NECAB2: variants seen among roughly 807,000 people sequenced by gnomAD.
The protein encoded by NECAB2 is N-terminal EF-hand calcium-binding protein 2.
In NECAB2, 68 loss-of-function variants were observed where a neutral mutation model predicts 51.9. That is an observed-to-expected ratio of 1.31 (90% CI 1.08 to 1.60). The LOEUF (loss-of-function observed/expected upper bound fraction) is 1.60. NECAB2 is among the 40% of genes most tolerant of loss of function. The pLI is 0.00. For missense variants in NECAB2, 854 were observed against 490.3 expected (o/e 1.74, Z -7.00); for synonymous variants, 329 against 203.5 (o/e 1.62, Z -5.25).
intron 10 of NECAB2, among the ~76,000 whole-genome samples, 158 bp downstream of exon 10, chr16:83,998,475 A>C (rs771804353): frequency 1.3e-5 from 2 of 152,120 alleles, no homozygotes; most frequent in African/African-American, 2.4e-5. Flanking sequence ...GTCTCTACTG[A>C]GGTTCCTCCC....
intron 11 of NECAB2, 21 bp from the exon 12 acceptor site, chr16:84,001,804 A>G (rs750179171): frequency 6.2e-7 from 1 of 1,613,282 alleles, no homozygotes; most frequent in Non-Finnish European, 8.5e-7. Flanking sequence ...CCCCTGACTC[A>G]CACATGTCCC....
rs998879541 is a variant in NECAB2, at chr16:83,983,402, T to G, written c.459+2275T>G. On this transcript the variant is annotated intron_variant, in intron 5 of 12. Transcript: ENST00000305202. Reference sequence around the variant, plus strand: ...GTGGGGCACGGCCAGGCATGCTTGTTTGGCTCCTGATTTTCGAGTGCATCT... The same window carrying G: ...GTGGGGCACGGCCAGGCATGCTTGTGTGGCTCCTGATTTTCGAGTGCATCT... Among the ~76,000 whole-genome samples the G allele has an allele frequency of 5.3e-5, 8 of 152,334 alleles. No individual in the cohort carries two copies. In the South Asian group the frequency reaches 1.7e-3, roughly 32 times the overall value.
Position 83,968,760 on chromosome 16 carries a change from A to G in NECAB2, c.112A>G (p.Met38Val). ...GCTGCTGCGCTGGGTGGGCGCCAGG[A>G]TGGGCGAGCCCCGGGAGTCGCTGGC... is the stretch of plus-strand genomic sequence containing the variant. ...GGLLRWVGAR[M>V]GEPRESLAPA... Residue 38 changes from methionine to valine, a missense_variant, in exon 1 of 13, where the codon ATG becomes GTG. By Grantham distance (21) the Met-to-Val change is conservative (BLOSUM62 1). Coordinates refer to ENST00000305202, the MANE Select transcript of NECAB2 (RefSeq NM_019065.3). 9.2e-7 allele frequency: 1 copy of G among 1,086,850 alleles called. No individual in the cohort carries two copies. The highest frequency in any genetic ancestry group is 1.1e-6 in the Non-Finnish European group (1 of 897,764). 67.3% of individuals were successfully genotyped at this position (1,086,850 alleles called of 1,614,324 possible).
chr16:83,996,257 C>G (rs1284073686), intron 8 of NECAB2, among the ~76,000 whole-genome samples: 1 of 152,228 alleles, frequency 6.6e-6, no homozygotes, highest in African/African-American at 2.4e-5. Flanking sequence ...ACCATGGAAA[C>G]AGACTTGTTC....
At chr16:83,968,877 C>T in intron 1 of NECAB2, 28 bp downstream of exon 1, 1 of 1,103,326 alleles carries the variant, frequency 9.1e-7, no homozygotes, top group Non-Finnish European at 1.1e-6. Context: ...GGGACCCCCG[C>T]CGTGGCCTCC....
chr16:83,973,497 C>G (rs894999570), intron 2 of NECAB2, among the ~76,000 whole-genome samples: 1 of 152,128 alleles, frequency 6.6e-6, no homozygotes, highest in Non-Finnish European at 1.5e-5. Context: ...TGATTCCATA[C>G]GGAGCAGAGG....
chr16:83,984,321 G>T (rs2084525437), intron 5 of NECAB2, among the ~76,000 whole-genome samples: 1 of 151,572 alleles, frequency 6.6e-6, no homozygotes, highest in African/African-American at 2.4e-5. Context: ...AACTGCCCTG[G>T]GCATAGTCGT....
At chr16:84,002,171 G>T in intron 12 of NECAB2, 147 bp from the exon 13 acceptor site, 6 of 1,102,082 alleles carry the variant, frequency 5.4e-6, no homozygotes, top group Non-Finnish European at 8.2e-6. Context: ...CCAGGTGTGT[G>T]GTTTGCACCT....
chr16:83,992,017 A>G (rs2084631983), intron 6 of NECAB2, among the ~76,000 whole-genome samples: 2 of 152,190 alleles, frequency 1.3e-5, no homozygotes, highest in Non-Finnish European at 2.9e-5. Context: ...CACTCTCGGC[A>G]TCACATGCCG....
intron 7 of NECAB2, 61 bp from the exon 8 acceptor site, chr16:83,994,548 T>C: frequency 6.2e-7 from 1 of 1,606,510 alleles, no homozygotes; most frequent in Non-Finnish European, 8.5e-7. Flanking sequence ...GTTTCCAGCT[T>C]CCCCCCGAAG....
At chr16:83,978,895 C>G (rs56376922) in intron 3 of NECAB2, among the ~76,000 whole-genome samples, 2,156 of 152,244 alleles carry the variant, frequency 0.014, 22 homozygotes, top group Non-Finnish European at 0.023. Flanking sequence ...CACCCCAACC[C>G]CAATGCCTGT....
At chr16:83,997,114 T>A (rs372055027) in intron 8 of NECAB2, 102 bp from the exon 9 acceptor site, 3 of 1,408,644 alleles carry the variant, frequency 2.1e-6, no homozygotes, top group Non-Finnish European at 3.0e-6. Context: ...CAGGGCCGGG[T>A]CCTTGGGAGC....
chr16:83,999,824 T>TGA (rs372587991), intron 10 of NECAB2, among the ~76,000 whole-genome samples: 1 of 152,064 alleles, frequency 6.6e-6, no homozygotes, highest in Admixed American at 6.6e-5. Context: ...AAGGATTAAA[T>TGA]GAGAGGACAA....
intron 12 of NECAB2, 78 bp downstream of exon 12, chr16:84,001,994 T>G (rs1025833466): frequency 6.8e-7 from 1 of 1,467,368 alleles, no homozygotes; most frequent in African/African-American, 1.4e-5. Flanking sequence ...GCCCCATATC[T>G]CCCGGGGACT....
Position 83,998,697 on chromosome 16 carries a change from C to A in NECAB2, c.962+380C>A, listed in dbSNP as rs1267994502. 2.0e-5 allele frequency among the ~76,000 whole-genome samples: 3 copies of A among 152,342 alleles called. No individual in the cohort carries two copies. In the South Asian group the frequency reaches 6.2e-4, roughly 32 times the overall value. On this transcript the variant is annotated intron_variant, in intron 10 of 12. Coordinates refer to ENST00000305202, the MANE Select transcript of NECAB2 (RefSeq NM_019065.3). The stretch of plus-strand genomic sequence containing the variant: ...TGCTGCTGTCACAGGGGTTCCTGCA[C>A]ACTTAAGTCCAGGCCCAGAATGTAG...
At chr16:83,988,152 G>T (rs558012815) in intron 5 of NECAB2, among the ~76,000 whole-genome samples, 2 of 152,294 alleles carry the variant, frequency 1.3e-5, no homozygotes, top group East Asian at 3.9e-4. Flanking sequence ...TGTTTAATCA[G>T]ATCTGGGACT....
chr16:83,968,796 C>T lies in NECAB2; in HGVS notation c.148C>T (p.Pro50Ser). The change falls in exon 1 of 13, where the codon CCC becomes TCC. Residue 50 changes from proline to serine, a missense_variant. Coordinates refer to ENST00000305202, the MANE Select transcript of NECAB2 (RefSeq NM_019065.3). ...EPRESLAPAA[P>S]ADPGPASPRG... ...CCGGGAGTCGCTGGCCCCCGCCGCC[C>T]CCGCGGACCCCGGCCCAGCCTCGCC... The T allele has an allele frequency of 8.9e-7, 1 of 1,123,662 alleles. No homozygotes were observed. The highest frequency in any genetic ancestry group is 1.1e-6 in the Non-Finnish European group (1 of 920,110). The allele number at this position is 1,123,662 out of a possible 1,614,324, so 69.6% of individuals were successfully genotyped here.
chr16:83,998,374 G>T, intron 10 of NECAB2, 57 bp downstream of exon 10: 1 of 1,523,160 alleles, frequency 6.6e-7, no homozygotes. Context: ...GCCTGGCAGT[G>T]GAGGAACAGG....
At chr16:83,990,933 G>A (rs1597215482) in intron 6 of NECAB2, among the ~76,000 whole-genome samples, 1 of 152,096 alleles carries the variant, frequency 6.6e-6, no homozygotes, top group Admixed American at 6.5e-5. Flanking sequence ...GCATCCACAT[G>A]CTAATTGTTT....
Sources: allele counts gnomAD v4.1 joint callset (sites outside exome capture counted in the v4.1 genomes callset), GRCh38; gene constraint gnomAD v4.1.1; transcripts MANE v1.5; gene names NCBI Gene and HGNC (gene_info 2026-07-23, HGNC 2026-07-21).